The following CD55 variants were observed in gnomAD, a reference collection of about 807,000 sequenced individuals.
The protein encoded by CD55 is CD55 molecule (Cromer blood group).
A neutral mutation model predicts 45.8 loss-of-function variants in CD55; 41 were observed. The observed-to-expected ratio is 0.90, with a 90% confidence interval of 0.70 to 1.16. The LOEUF (loss-of-function observed/expected upper bound fraction) is 1.16, where lower values mean the gene tolerates loss of function less well. CD55 is among the 50% of genes most tolerant of loss of function. CD55 has a pLI of 0.00. For missense variants in CD55, 416 were observed against 469.8 expected, an observed-to-expected ratio of 0.89 and a Z score of 1.06; for synonymous variants, 181 against 181.1, an observed-to-expected ratio of 1.00 and a Z score of 0.01.
Position 207,321,762 on chromosome 1 carries a change from C to T in CD55, c.-4C>T. 1 of 1,513,006 alleles carries T rather than the reference C, an allele frequency of 6.6e-7. No individual in the cohort carries two copies. Among genetic ancestry groups the T allele is most frequent in the Non-Finnish European group, 8.8e-7 (1 of 1,137,210 alleles). 93.7% of individuals were successfully genotyped at this position (1,513,006 alleles called of 1,614,324 possible). A position where few individuals can be genotyped will look rare whatever the true frequency, so the allele number is the denominator to read the frequency against. On this transcript the variant is annotated 5_prime_UTR_variant, in exon 1 of 10. Coordinates refer to ENST00000367064, the MANE Select transcript of CD55 (RefSeq NM_000574.5). ...GGCGCGTCCTTGTTCTAACCCGGCG[C>T]GCCATGACCGTCGCGCGGCCGAGCG...
At chr1:207,336,552 A>C in intron 6 of CD55, 141 bp from the exon 7 acceptor site, 1 of 893,644 alleles carries the variant, frequency 1.1e-6, no homozygotes, top group Non-Finnish European at 1.7e-6. Context: ...AGAAATACTC[A>C]ATAAGAGTTG....
Position 207,322,467 on chromosome 1 carries a change from G to C in CD55, c.186G>C (p.Thr62=). 6.2e-7 allele frequency: 1 copy of C among 1,614,156 alleles called. No homozygotes were observed. Among genetic ancestry groups the C allele is most frequent in the Non-Finnish European group, 8.5e-7 (1 of 1,179,994 alleles). ...GTTTTCCCGAGGATACTGTAATAAC[G>C]TACAAATGTGAAGAAAGCTTTGTGA... ...RTSFPEDTVI[T]YKCEESFVKI... is the part of the protein sequence containing the mutation. Residue 62 remains threonine, a synonymous_variant, in exon 2 of 10, where the codon ACG becomes ACC. Coordinates refer to ENST00000367064, the MANE Select transcript of CD55 (RefSeq NM_000574.5).
chr1:207,327,568 T>C (rs1484789160), intron 5 of CD55, among the ~76,000 whole-genome samples: 5 of 152,226 alleles, frequency 3.3e-5, no homozygotes, highest in African/African-American at 1.2e-4. Flanking sequence ...TTTTAAAATG[T>C]AGGCTTGCTT....
intron 9 of CD55, chr1:207,354,083 C>A: frequency 1.3e-6 from 2 of 1,531,894 alleles, no homozygotes; most frequent in South Asian, 2.4e-5. Context: ...TCCTCTAGGT[C>A]ACTCCAGTTC....
chr1:207,331,303 A>C lies in CD55; in HGVS notation c.853+7A>C. ...CCACCACCTGAATGCAGAGGTAATC[A>C]CTTTGGATAGTTATATTTTTGCTTT... On this transcript the variant is annotated splice_region_variant and intron_variant, in intron 6 of 9. Transcript: ENST00000367064. The C allele has an allele frequency of 6.2e-7, 1 of 1,610,182 alleles. No individual in the cohort carries two copies.
chr1:207,347,377 A>G (rs955572880), intron 9 of CD55: 15 of 362,236 alleles, frequency 4.1e-5, no homozygotes, highest in African/African-American at 3.2e-4. Flanking sequence ...CTCCTGCCTC[A>G]GCCTCCCAAG....
At chr1:207,323,590 GTAGAGA>G (rs1476283086) in intron 2 of CD55, among the ~76,000 whole-genome samples, 8 of 152,094 alleles carry the variant, frequency 5.3e-5, no homozygotes, top group African/African-American at 1.9e-4. Flanking sequence ...AGATATATGA[GTAGAGA>G]TAAAGATAAA....
intron 6 of CD55, among the ~76,000 whole-genome samples, chr1:207,332,701 A>G (rs140871464): frequency 2.0e-5 from 3 of 152,338 alleles, no homozygotes; most frequent in East Asian, 3.9e-4. Flanking sequence ...TTAAAAAACC[A>G]TATGGAAGTA....
chr1:207,326,931 A>G (rs112605706), intron 5 of CD55, 94 bp downstream of exon 5: 10 of 851,882 alleles, frequency 1.2e-5, no homozygotes, highest in African/African-American at 5.2e-5. Context: ...CACAGTGTGT[A>G]TTTGTAGCAA....
intron 8 of CD55, 92 bp from the exon 9 acceptor site, chr1:207,339,305 G>T (rs181529094): frequency 2.6e-4 from 218 of 840,274 alleles, no homozygotes; most frequent in Non-Finnish European, 2.6e-5. Flanking sequence ...GAGTTTTCTA[G>T]TGTAGTTTAT....
intron 9 of CD55, chr1:207,347,586 C>T (rs1179569280): frequency 4.5e-6 from 1 of 221,520 alleles, no homozygotes; most frequent in Non-Finnish European, 9.4e-6. Context: ...TTTCTTCCAC[C>T]TTTTATTTTA....
At chr1:207,348,764 G>T (rs962515439) in intron 9 of CD55, among the ~76,000 whole-genome samples, 7 of 152,054 alleles carry the variant, frequency 4.6e-5, no homozygotes, top group Non-Finnish European at 1.0e-4. Flanking sequence ...AAAGGTAGGG[G>T]TCCATTTTCA....
intron 9 of CD55, chr1:207,350,130 GT>G: frequency 2.2e-6 from 1 of 453,556 alleles, no homozygotes. Flanking sequence ...TGGTTTTTTT[GT>G]TTGTAGTTCT....
intron 6 of CD55, among the ~76,000 whole-genome samples, chr1:207,332,272 A>G (rs2782855): frequency 0.99 from 151,329 of 152,248 alleles, 75,216 homozygotes; most frequent in Non-Finnish European, 1. Context: ...TCTATTGATG[A>G]CAATTTAGGT....
At chr1:207,323,429 A>G (rs1654523329) in intron 2 of CD55, among the ~76,000 whole-genome samples, 2 of 152,132 alleles carry the variant, frequency 1.3e-5, no homozygotes, top group Admixed American at 1.3e-4. Flanking sequence ...ACTGATACCT[A>G]GTAGAATTAA....
At chr1:207,353,617 C>T (rs1014555162) in intron 9 of CD55, among the ~76,000 whole-genome samples, 1 of 152,084 alleles carries the variant, frequency 6.6e-6, no homozygotes, top group Non-Finnish European at 1.5e-5. Context: ...AGTTATCTGC[C>T]TGTTATTCAG....
At chr1:207,331,622 A>G (rs181227065) in intron 6 of CD55, among the ~76,000 whole-genome samples, 50 of 152,322 alleles carry the variant, frequency 3.3e-4, no homozygotes, top group South Asian at 2.3e-3. Flanking sequence ...ACAAAGAGAT[A>G]TAAAGTGGTT....
At chr1:207,328,557 C>A (rs1654791085) in intron 5 of CD55, among the ~76,000 whole-genome samples, 2 of 152,234 alleles carry the variant, frequency 1.3e-5, no homozygotes, top group Admixed American at 1.3e-4. Flanking sequence ...AACAGAGGTG[C>A]TGCTAGTTTA....
rs1656223389 is a variant in CD55, at chr1:207,359,733, C to CT, written c.*126dup. 1 of 1,306,944 alleles carries CT rather than the reference C, an allele frequency of 7.7e-7. No individual in the cohort carries two copies. Among genetic ancestry groups the CT allele is most frequent in the African/African-American group, 1.6e-5 (1 of 64,146 alleles). 81.0% of individuals were successfully genotyped at this position (1,306,944 alleles called of 1,614,324 possible). A position where few individuals can be genotyped will look rare whatever the true frequency, so the allele number is the denominator to read the frequency against. On this transcript the variant is annotated 3_prime_UTR_variant, in exon 10 of 10. Transcript: ENST00000367064. ...TCTTCATTTAGGATGCTTTCATTGT[C>CT]TTTAAGATGTGTTAGGAATGTCAAC...
Sources: gnomAD v4.1 joint callset for allele counts (sites outside exome capture counted in the v4.1 genomes callset) on GRCh38, gnomAD v4.1.1 for gene constraint, MANE v1.5 for transcripts, NCBI Gene and HGNC (gene_info 2026-07-23, HGNC 2026-07-21) for gene names.